WWOX: variants seen among roughly 807,000 people sequenced by gnomAD.
WWOX encodes the protein WW domain containing oxidoreductase.
A neutral mutation model predicts 46.2 loss-of-function variants in WWOX; 69 were observed. The ratio of observed to expected loss-of-function variants is 1.49; its 90% confidence interval spans 1.23 to 1.82. The LOEUF (loss-of-function observed/expected upper bound fraction) is 1.82. Ranked by LOEUF, WWOX falls within the 40% of genes most tolerant of loss-of-function variation. The pLI is 0.00. For missense variants in WWOX, 919 were observed against 542.6 expected (o/e 1.69, Z -6.89); for synonymous variants, 359 against 202.6 (o/e 1.77, Z -6.56).
chr16:78,156,398 G>C (rs1358822561), intron 4 of WWOX, among the ~76,000 whole-genome samples: 2 of 152,174 alleles, frequency 1.3e-5, no homozygotes, highest in African/African-American at 2.4e-5. Flanking sequence ...CAGTATCTTT[G>C]CAGGATTTTA....
Position 78,707,840 on chromosome 16 carries a change from TATAAATAAATAAATAA to T in WWOX, c.1056+275122_1056+275137del, listed in dbSNP as rs10582418. 7.0e-3 allele frequency among the ~76,000 whole-genome samples: 1,004 copies of T among 143,846 alleles called. 13 individuals are homozygous for T. Among genetic ancestry groups the T allele is most frequent in the African/African-American group, 0.02 (766 of 39,192 alleles). 94.4% of individuals were successfully genotyped at this position (143,846 alleles called of 152,430 possible). The stretch of plus-strand genomic sequence containing the variant: ...AGAGAGCGAGACTCTGTCTCAAAAA[TATAAATAAATAAATAA>T]ATAAATAAATAAATAAATAAATAAA... On this transcript the variant is annotated intron_variant, in intron 8 of 8. Coordinates refer to ENST00000566780, the MANE Select transcript of WWOX (RefSeq NM_016373.4).
chr16:78,571,077 T>A (rs1203174250), intron 8 of WWOX, among the ~76,000 whole-genome samples: 1 of 152,192 alleles, frequency 6.6e-6, no homozygotes, highest in African/African-American at 2.4e-5. Flanking sequence ...GAAGTATTGC[T>A]CCTTTCTTTA....
At chr16:78,796,827 C>G (rs1209881857) in intron 8 of WWOX, among the ~76,000 whole-genome samples, 1 of 133,134 alleles carries the variant, frequency 7.5e-6, no homozygotes, top group Non-Finnish European at 1.6e-5. Flanking sequence ...TTATCTTCTT[C>G]TTTTTTTTTT....
intron 8 of WWOX, among the ~76,000 whole-genome samples, chr16:78,939,565 G>A (rs976293530): frequency 6.6e-6 from 1 of 152,152 alleles, no homozygotes; most frequent in African/African-American, 2.4e-5. Flanking sequence ...AATAAAGAGG[G>A]CTGATTTTTG....
In WWOX at chr16:79,194,117, C is replaced by T. The variant is rs187290191; in HGVS notation, c.1057-17491C>T. ...TGTGTACAAAGAAAGTTTAGAGCAGCGTGTGGCACGTAATGCATATTATGT... is the reference window on the plus strand; with the variant it reads ...TGTGTACAAAGAAAGTTTAGAGCAGTGTGTGGCACGTAATGCATATTATGT... On this transcript the variant is annotated intron_variant, in intron 8 of 8. Coordinates refer to ENST00000566780, the MANE Select transcript of WWOX (RefSeq NM_016373.4). Among the ~76,000 whole-genome samples the T allele has an allele frequency of 1.8e-3, 270 of 152,184 alleles. 1 individual carries two copies. Among genetic ancestry groups the T allele is most frequent in the South Asian group, 3.3e-3 (16 of 4,828 alleles).
At chr16:78,928,399 T>G (rs530639268) in intron 8 of WWOX, among the ~76,000 whole-genome samples, 81 of 152,062 alleles carry the variant, frequency 5.3e-4, no homozygotes, top group African/African-American at 2.0e-3. Context: ...AGACGGGGTT[T>G]CACCGTGTTA....
Position 78,654,142 on chromosome 16 carries a change from C to T in WWOX, c.1056+221390C>T, listed in dbSNP as rs117508157. Among the ~76,000 whole-genome samples the T allele has an allele frequency of 3.1e-3, 471 of 152,328 alleles. 2 individuals carry two copies. Among genetic ancestry groups the T allele is most frequent in the Non-Finnish European group, 4.6e-3 (310 of 68,036 alleles). The stretch of plus-strand genomic sequence containing the variant: ...GGCCAGGGTCTGGACTCAAGATGAG[C>T]ACAGGATTTAGAATCAGAAAGTGTG... On this transcript the variant is annotated intron_variant, in intron 8 of 8. Coordinates refer to ENST00000566780, the MANE Select transcript of WWOX (RefSeq NM_016373.4).
intron 8 of WWOX, among the ~76,000 whole-genome samples, chr16:78,615,785 C>T (rs1195725581): frequency 4.0e-5 from 6 of 150,704 alleles, no homozygotes; most frequent in Non-Finnish European, 2.9e-5. Context: ...GAGTCTCACT[C>T]TGTTGCCCAG....
chr16:79,100,328 T>A (rs73575168), intron 8 of WWOX, among the ~76,000 whole-genome samples: 2 of 152,066 alleles, frequency 1.3e-5, no homozygotes, highest in African/African-American at 4.8e-5. Context: ...TCCTAAAACA[T>A]AAGATTATTT....
At chr16:79,130,363 C>G (rs2049851381) in intron 8 of WWOX, among the ~76,000 whole-genome samples, 1 of 152,144 alleles carries the variant, frequency 6.6e-6, no homozygotes, top group Non-Finnish European at 1.5e-5. Flanking sequence ...ATGATTAATA[C>G]AACTAATAAA....
chr16:78,146,260 C>A (rs544300409), intron 4 of WWOX, among the ~76,000 whole-genome samples: 1 of 152,126 alleles, frequency 6.6e-6, no homozygotes, highest in Non-Finnish European at 1.5e-5. Context: ...AGGTTGGAAT[C>A]CTCTGTTAGG....
At chr16:78,780,675 A>G (rs2050303251) in intron 8 of WWOX, among the ~76,000 whole-genome samples, 1 of 152,160 alleles carries the variant, frequency 6.6e-6, no homozygotes, top group Non-Finnish European at 1.5e-5. Flanking sequence ...CAAGCGCTGC[A>G]TGGGGGAGAA....
In WWOX at chr16:78,247,479, G is replaced by A. The variant is rs2037849134; in HGVS notation, c.516+83190G>A. ...GTAAGGATGCAGTCCTAATCCTGAA[G>A]GAGGGTACAGCTGACCAGGGAGGTA... On this transcript the variant is annotated intron_variant, in intron 5 of 8. Coordinates refer to ENST00000566780, the MANE Select transcript of WWOX (RefSeq NM_016373.4). Among the ~76,000 whole-genome samples, 3 of 152,212 alleles carry A rather than the reference G, an allele frequency of 2.0e-5. No homozygotes were observed. The South Asian group carries it at 6.2e-4, about 32-fold the overall frequency.
chr16:78,436,664 T>C (rs2083341967), intron 8 of WWOX, among the ~76,000 whole-genome samples: 2 of 152,196 alleles, frequency 1.3e-5, no homozygotes, highest in Admixed American at 1.3e-4. Context: ...GCTCTGAGCT[T>C]GCTTGTCAAA....
intron 8 of WWOX, among the ~76,000 whole-genome samples, chr16:79,192,223 G>C (rs527873509): frequency 2.0e-5 from 3 of 152,330 alleles, no homozygotes; most frequent in African/African-American, 7.2e-5. Context: ...TAAGCACTGT[G>C]AGTCATTTCC....
chr16:78,241,810 G>A (rs758837514), intron 5 of WWOX, among the ~76,000 whole-genome samples: 7 of 152,236 alleles, frequency 4.6e-5, no homozygotes, highest in African/African-American at 9.6e-5. Context: ...CAGAGAGGGC[G>A]GAGTCAGAGT....
chr16:79,198,516 A>T (rs1313400146), intron 8 of WWOX, among the ~76,000 whole-genome samples: 4 of 152,228 alleles, frequency 2.6e-5, no homozygotes, highest in African/African-American at 9.6e-5. Context: ...CATCAAACCT[A>T]AGAGTCTCAG....
chr16:78,319,972 C>T (rs1037145293), intron 5 of WWOX, among the ~76,000 whole-genome samples: 5 of 152,190 alleles, frequency 3.3e-5, no homozygotes, highest in South Asian at 2.1e-4. Flanking sequence ...AATCAGAATT[C>T]CCTCCTAATG....
chr16:78,947,674 A>G (rs1385019191), intron 8 of WWOX, among the ~76,000 whole-genome samples: 2 of 152,250 alleles, frequency 1.3e-5, no homozygotes, highest in East Asian at 1.9e-4. Flanking sequence ...GCATTGTTCA[A>G]TAAAGCAATT....
Sources: gnomAD v4.1 joint callset for allele counts (sites outside exome capture counted in the v4.1 genomes callset) on GRCh38, gnomAD v4.1.1 for gene constraint, MANE v1.5 for transcripts, NCBI Gene and HGNC (gene_info 2026-07-23, HGNC 2026-07-21) for gene names.